The following DAP variants were observed in gnomAD, a reference collection of about 807,000 sequenced individuals.
The protein encoded by DAP is death associated protein.
DAP carries 8 observed loss-of-function variants against 13.8 expected under a neutral mutation model. The observed-to-expected ratio is 0.58, with a 90% CI of 0.34 to 1.05. DAP has a LOEUF of 1.05. Among genes scored for constraint, DAP ranks in the 50% least tolerant of loss-of-function variants. DAP has a pLI of 0.03. For missense variants in DAP, 106 were observed against 133.2 expected (o/e 0.80, Z 1.01); for synonymous variants, 47 against 47.5 (o/e 0.99, Z 0.04).
chr5:10,753,878 A>G (rs1316646705), intron 1 of DAP, among the ~76,000 whole-genome samples: 1 of 152,242 alleles, frequency 6.6e-6, no homozygotes, highest in African/African-American at 2.4e-5. Flanking sequence ...TCTACCTAAA[A>G]GAAGTGACGA....
intron 2 of DAP, among the ~76,000 whole-genome samples, chr5:10,690,073 C>G (rs5745276): frequency 1.3e-5 from 2 of 152,060 alleles, no homozygotes; most frequent in East Asian, 3.9e-4. Flanking sequence ...CCCCATGTGT[C>G]CAGCACTTCC....
intron 2 of DAP, among the ~76,000 whole-genome samples, chr5:10,692,948 G>A (rs1258382448): frequency 6.6e-6 from 1 of 152,158 alleles, no homozygotes; most frequent in Non-Finnish European, 1.5e-5. Flanking sequence ...GAGAGCTTCT[G>A]CACTCTTAGA....
rs1737956671 is a variant in DAP, at chr5:10,680,505, C to T, written c.*551G>A. 1 of 558,622 alleles carries T rather than the reference C, an allele frequency of 1.8e-6. No homozygotes were observed. Among genetic ancestry groups the T allele is most frequent in the Non-Finnish European group, 3.1e-6 (1 of 318,422 alleles). The allele number at this position is 558,622 out of a possible 1,614,324, so 34.6% of individuals were successfully genotyped here. A position where few individuals can be genotyped will look rare whatever the true frequency, so the allele number is the denominator to read the frequency against. On this transcript the variant is annotated 3_prime_UTR_variant, in exon 4 of 4. Coordinates refer to ENST00000230895, the MANE Select transcript of DAP (RefSeq NM_004394.3). ...GCTTTTTCGGCTTTTCTCATGGGTG[C>T]CTCATCAGCCTGCACAGGATCCCCC... is the stretch of plus-strand genomic sequence containing the variant.
intron 2 of DAP, among the ~76,000 whole-genome samples, chr5:10,717,137 C>T (rs1739010740): frequency 6.6e-6 from 1 of 152,192 alleles, no homozygotes; most frequent in Non-Finnish European, 1.5e-5. Context: ...TTGTTGGTTG[C>T]TCCCAAGTTC....
Position 10,748,294 on chromosome 5 carries a change from G to A in DAP, c.56-23C>T, listed in dbSNP as rs1175213994. 3 of 1,604,276 alleles carry A rather than the reference G, an allele frequency of 1.9e-6. No individual in the cohort carries two copies. In the Admixed American group the frequency reaches 5.0e-5, roughly 27 times the overall value. ...TCACTGAAATGAAAACAGAGAGTGT[G>A]GGATTAATGTGGAAATGGGGCTGCC... On this transcript the variant is annotated intron_variant, in intron 1 of 3. Transcript: ENST00000230895.
intron 2 of DAP, among the ~76,000 whole-genome samples, chr5:10,686,289 A>G (rs1050715273): frequency 6.6e-6 from 1 of 152,244 alleles, no homozygotes; most frequent in Non-Finnish European, 1.5e-5. Flanking sequence ...TAACAACTCT[A>G]CAATGGTCTA....
chr5:10,683,600 T>G (rs779579191), intron 2 of DAP, 29 bp from the exon 3 acceptor site: 1 of 1,610,742 alleles, frequency 6.2e-7, no homozygotes, highest in Non-Finnish European at 8.5e-7. Context: ...AAAGGCAGAT[T>G]TAACAAAACA....
intron 1 of DAP, among the ~76,000 whole-genome samples, chr5:10,752,125 A>G (rs115690584): frequency 0.014 from 2,059 of 152,370 alleles, 37 homozygotes; most frequent in Non-Finnish European, 0.019. Flanking sequence ...AGTCTTCTGA[A>G]GCTCCTGCAG....
At chr5:10,742,498 G>T (rs529141767) in intron 2 of DAP, among the ~76,000 whole-genome samples, 2 of 152,170 alleles carry the variant, frequency 1.3e-5, no homozygotes, top group South Asian at 4.1e-4. Flanking sequence ...CTGCACTCCA[G>T]CATGGGCAAC....
chr5:10,748,265 G>C lies in DAP; in HGVS notation c.62C>G (p.Ala21Gly). Reference protein sequence around the residue: ...TKAGHPPAVKAGGMRIVQKHP... With the variant: ...TKAGHPPAVKGGGMRIVQKHP... The stretch of plus-strand genomic sequence containing the variant: ...TTTCTGCACAATTCGCATTCCACCA[G>C]CTTTCACTGAAATGAAAACAGAGAG... Residue 21 changes from alanine (A) to glycine (G), a missense_variant, in exon 2 of 4, where the codon GCT (alanine) becomes GGT (glycine). Transcript: ENST00000230895. 1 of 1,613,358 alleles carries C rather than the reference G, an allele frequency of 6.2e-7. No homozygotes were observed. Among genetic ancestry groups the C allele is most frequent in the Non-Finnish European group, 8.5e-7 (1 of 1,179,350 alleles).
chr5:10,682,987 C>T (rs1339244192), intron 3 of DAP: 4 of 175,894 alleles, frequency 2.3e-5, no homozygotes, highest in African/African-American at 7.2e-5. Context: ...TCGGCCTGTC[C>T]AGTCTCAGGA....
intron 2 of DAP, among the ~76,000 whole-genome samples, chr5:10,689,949 T>C (rs890893637): frequency 8.5e-5 from 13 of 152,162 alleles, no homozygotes; most frequent in African/African-American, 3.1e-4. Flanking sequence ...GCATTCCACC[T>C]AATTAACCTG....
chr5:10,701,643 C>T (rs1738578233), intron 2 of DAP, among the ~76,000 whole-genome samples: 1 of 152,126 alleles, frequency 6.6e-6, no homozygotes, highest in Non-Finnish European at 1.5e-5. Flanking sequence ...AATCCCCTGC[C>T]ATCTCGTCTC....
At chr5:10,691,385 G>A (rs775804881) in intron 2 of DAP, among the ~76,000 whole-genome samples, 1 of 152,192 alleles carries the variant, frequency 6.6e-6, no homozygotes, top group Admixed American at 6.5e-5. Context: ...AATTATTTAT[G>A]ACGTTTATAA....
Position 10,748,065 on chromosome 5 carries a change from C to T in DAP, c.152+110G>A, listed in dbSNP as rs139187538. On this transcript the variant is annotated intron_variant, in intron 2 of 3. Coordinates refer to ENST00000230895, the MANE Select transcript of DAP (RefSeq NM_004394.3). ...GAAGGGAAAAATACACAGAACAGGG[C>T]CCCACATAGCCCAGGAGTTATCAGA... is the stretch of plus-strand genomic sequence containing the variant. 20 of 766,376 alleles carry T rather than the reference C, an allele frequency of 2.6e-5. No individual in the cohort carries two copies. The East Asian group carries it at 3.9e-4, about 15-fold the overall frequency. 47.5% of individuals were successfully genotyped at this position (766,376 alleles called of 1,614,324 possible).
chr5:10,738,866 A>C (rs1222247249), intron 2 of DAP, among the ~76,000 whole-genome samples: 1 of 152,212 alleles, frequency 6.6e-6, no homozygotes, highest in Non-Finnish European at 1.5e-5. Context: ...AAGTTCGTAT[A>C]AACAGACAGA....
At chr5:10,760,449 T>C (rs1033649369) in intron 1 of DAP, among the ~76,000 whole-genome samples, 1 of 152,172 alleles carries the variant, frequency 6.6e-6, no homozygotes, top group South Asian at 2.1e-4. Context: ...AGTTTAGGAT[T>C]TGCTCAAAAT....
intron 2 of DAP, among the ~76,000 whole-genome samples, chr5:10,737,637 C>T (rs1317427533): frequency 6.6e-6 from 1 of 152,204 alleles, no homozygotes; most frequent in South Asian, 2.1e-4. Context: ...TAAGCTGGCA[C>T]ATTGCTGGGC....
chr5:10,735,874 T>A lies in DAP; in HGVS notation c.152+12301A>T, dbSNP rs116887781. 7.6e-4 allele frequency among the ~76,000 whole-genome samples: 116 copies of A among 152,264 alleles called. No individual in the cohort carries two copies. In the East Asian group the frequency reaches 0.021, roughly 28 times the overall value. On this transcript the variant is annotated intron_variant, in intron 2 of 3. Transcript: ENST00000230895. ...CAAGGTGCTGCTTGCTTGTTGTGGGTTGAATTTACGTTTCCCCCAGAAACA... is the reference window on the plus strand; with the variant it reads ...CAAGGTGCTGCTTGCTTGTTGTGGGATGAATTTACGTTTCCCCCAGAAACA...
Sources: allele counts gnomAD v4.1 joint callset (sites outside exome capture counted in the v4.1 genomes callset), GRCh38; gene constraint gnomAD v4.1.1; transcripts MANE v1.5; gene names NCBI Gene and HGNC (gene_info 2026-07-23, HGNC 2026-07-21).